Variants in PTPN22 observed in about 807,000 individuals in gnomAD.
PTPN22 encodes tyrosine-protein phosphatase non-receptor type 22.
PTPN22 carries 85 observed loss-of-function variants against 103.3 expected under a neutral mutation model. That is an observed-to-expected ratio of 0.82 (90% CI 0.69 to 0.99). PTPN22 has a LOEUF of 0.99. Among genes scored for constraint, PTPN22 ranks in the 50% least tolerant of loss-of-function variants. PTPN22 has a pLI of 0.00. For missense variants in PTPN22, 865 were observed against 936.9 expected, an observed-to-expected ratio of 0.92 and a Z score of 1.00; for synonymous variants, 323 against 310.2, an observed-to-expected ratio of 1.04 and a Z score of -0.43.
At chr1:113,825,876 G>A (rs1662013666) in intron 18 of PTPN22, among the ~76,000 whole-genome samples, 1 of 151,968 alleles carries the variant, frequency 6.6e-6, no homozygotes, top group African/African-American at 2.4e-5. Flanking sequence ...ACCATGCCTG[G>A]CTAATTTTTT....
exon 12 of PTPN22, chr1:113,838,568 G>A (rs1467182579): frequency 6.2e-7 from 1 of 1,613,548 alleles, no homozygotes; most frequent in South Asian, 1.1e-5. Context: ...AGGAGAATAA[G>A]AGTCTGCTTG....
At chr1:113,871,623 T>C (rs1382519866) in exon 1 of PTPN22, 3 of 1,613,894 alleles carry the variant, frequency 1.9e-6, no homozygotes, top group Non-Finnish European at 2.5e-6. Flanking sequence ...CTTTGGTCCA[T>C]GCTGCAGAGC....
chr1:113,827,660 G>A (rs1662206419), intron 18 of PTPN22, among the ~76,000 whole-genome samples: 1 of 152,100 alleles, frequency 6.6e-6, no homozygotes. Flanking sequence ...GTCATTTCAT[G>A]TGTATGCAAG....
chr1:113,855,503 C>CAAAAAAAAA (rs58516952), intron 7 of PTPN22, among the ~76,000 whole-genome samples: 33 of 84,428 alleles, frequency 3.9e-4, no homozygotes, highest in African/African-American at 1.6e-3. Context: ...GACTCTGTCT[C>CAAAAAAAAA]AAAAAAAAAA....
intron 15 of PTPN22, 47 bp from the exon 16 acceptor site, chr1:113,833,185 A>T: frequency 6.9e-7 from 1 of 1,444,620 alleles, no homozygotes; most frequent in African/African-American, 1.4e-5. Flanking sequence ...TATGTATACA[A>T]ATTATACAAA....
At chr1:113,871,690 C>T in exon 1 of PTPN22, 2 of 1,428,538 alleles carry the variant, frequency 1.4e-6, no homozygotes, top group Non-Finnish European at 9.8e-7. Context: ...GTGTCATGGC[C>T]GAGACACCTC....
At chr1:113,834,494 A>G in intron 14 of PTPN22, 55 bp from the exon 15 acceptor site, 1 of 1,532,218 alleles carries the variant, frequency 6.5e-7, no homozygotes, top group East Asian at 2.3e-5. Flanking sequence ...TTTAGACATC[A>G]AATGTTGCTC....
At chr1:113,859,872 T>G (rs1665412494) in intron 1 of PTPN22, among the ~76,000 whole-genome samples, 1 of 152,224 alleles carries the variant, frequency 6.6e-6, no homozygotes, top group Non-Finnish European at 1.5e-5. Flanking sequence ...AGATCGCTTT[T>G]TTTTCTAAGT....
At chr1:113,869,397 C>T (rs1037889605) in intron 1 of PTPN22, among the ~76,000 whole-genome samples, 17 of 64,252 alleles carry the variant, frequency 2.6e-4, no homozygotes, top group Non-Finnish European at 3.9e-4. Context: ...ATATAGTCTA[C>T]ATTTTTTTTT....
chr1:113,853,395 A>G (rs1664743946), intron 9 of PTPN22, among the ~76,000 whole-genome samples: 1 of 144,434 alleles, frequency 6.9e-6, no homozygotes, highest in African/African-American at 2.6e-5. Flanking sequence ...TTGTTGCCCA[A>G]GCTGGAGTAC....
At chr1:113,834,462 C>A in intron 14 of PTPN22, 23 bp from the exon 15 acceptor site, 1 of 1,602,724 alleles carries the variant, frequency 6.2e-7, no homozygotes, top group African/African-American at 1.3e-5. Context: ...GAATATAGTT[C>A]GGTTCTTAAG....
chr1:113,838,750 A>T, intron 11 of PTPN22, 130 bp from the exon 12 acceptor site: 9 of 1,372,022 alleles, frequency 6.6e-6, no homozygotes, highest in Non-Finnish European at 8.6e-6. Context: ...AAAGAGTTAG[A>T]TTAGCTTCCA....
At chr1:113,833,180 A>G (rs1447825619) in intron 15 of PTPN22, 42 bp from the exon 16 acceptor site, 1 of 1,447,900 alleles carries the variant, frequency 6.9e-7, no homozygotes, top group East Asian at 2.3e-5. Flanking sequence ...AAGAATATGT[A>G]TACAAATTAT....
chr1:113,870,982 G>A (rs552580801), intron 1 of PTPN22, among the ~76,000 whole-genome samples: 27 of 152,308 alleles, frequency 1.8e-4, no homozygotes, highest in Middle Eastern at 3.4e-3. Flanking sequence ...ACAGTGAGCT[G>A]TGGTTGCACT....
intron 15 of PTPN22, 24 bp downstream of exon 15, chr1:113,834,285 T>G (rs781590795): frequency 1.7e-5 from 28 of 1,608,376 alleles, no homozygotes; most frequent in Non-Finnish European, 2.3e-5. Context: ...TCTAAATGAG[T>G]AGAGTCATTA....
intron 10 of PTPN22, among the ~76,000 whole-genome samples, 199 bp downstream of exon 10, chr1:113,851,819 TAAGGAATGA>T (rs1259770119): frequency 6.6e-6 from 1 of 152,100 alleles, no homozygotes; most frequent in East Asian, 1.9e-4. Flanking sequence ...GACAGTAAAA[TAAGGAATGA>T]AAGGAATTTG....
At chr1:113,839,936 G>A (rs1333966095) in intron 11 of PTPN22, among the ~76,000 whole-genome samples, 3 of 151,864 alleles carry the variant, frequency 2.0e-5, no homozygotes, top group Non-Finnish European at 4.4e-5. Flanking sequence ...AAAAGGCTGC[G>A]CACAGTGGCT....
rs1471408873 is a variant in PTPN22 at position 113,856,551 on chromosome 1, G to A, written c.477C>T (p.Ser159=). ...TGAGAACAGACATTACACTTACACA[G>A]GATACAGAGAAAGGGCCAAATTCCA... Residue 159 remains serine (S), a synonymous_variant, in exon 6 of 21, where the codon TCC becomes TCT. Transcript: ENST00000359785. The A allele has an allele frequency of 1.9e-6, 3 of 1,614,150 alleles. No homozygotes were observed. The East Asian group carries it at 6.7e-5, about 36-fold the overall frequency.
intron 11 of PTPN22, among the ~76,000 whole-genome samples, chr1:113,843,656 A>G (rs1477888811): frequency 6.6e-6 from 1 of 152,220 alleles, no homozygotes; most frequent in African/African-American, 2.4e-5. Flanking sequence ...TTGTACACTT[A>G]AAAATGGCTA....
Sources: allele counts gnomAD v4.1 joint callset (sites outside exome capture counted in the v4.1 genomes callset), GRCh38; gene constraint gnomAD v4.1.1; transcripts MANE v1.5; gene names NCBI Gene and HGNC (gene_info 2026-07-23, HGNC 2026-07-21).